KIF26B: variants seen among roughly 807,000 people sequenced by gnomAD.
KIF26B encodes the protein kinesin family member 26B.
Under a neutral mutation model 151.2 loss-of-function variants are expected in KIF26B, and 63 were observed. The ratio of observed to expected loss-of-function variants is 0.42; its 90% CI spans 0.34 to 0.51. The LOEUF (loss-of-function observed/expected upper bound fraction) is 0.51. Ranked by LOEUF, KIF26B falls within the 20% of genes least tolerant of loss-of-function variation. The pLI, the probability that KIF26B is intolerant of heterozygous loss-of-function variation, is 0.07. For missense variants in KIF26B, 2,813 were observed against 2,913.6 expected (o/e 0.97, Z 0.79); for synonymous variants, 1,357 against 1,262.1 (o/e 1.08, Z -1.59).
chr1:245,624,671 TTC>T (rs752506698), intron 9 of KIF26B, among the ~76,000 whole-genome samples: 1 of 152,224 alleles, frequency 6.6e-6, no homozygotes, highest in Non-Finnish European at 1.5e-5. Flanking sequence ...TGCAAATATT[TTC>T]TCTCAGTCTG....
rs989479892 is a variant in KIF26B at position 245,170,064 on chromosome 1, A to G, written c.465+13381A>G. Among the ~76,000 whole-genome samples, 1 of 152,094 alleles carries G rather than the reference A, an allele frequency of 6.6e-6. No individual in the cohort carries two copies. The highest frequency in any genetic ancestry group is 1.5e-5 in the Non-Finnish European group (1 of 68,006). On this transcript the variant is annotated intron_variant, in intron 2 of 14. Coordinates refer to ENST00000407071, the MANE Select transcript of KIF26B (RefSeq NM_018012.4). The surrounding 1 kb of genome is among the most constrained non-coding windows in gnomAD (Gnocchi z 4.4). ...TTTTGAAAAAAAAAATCACCCGTCC[A>G]CTGCTGCATAACCAAAACGTCACTG...
intron 2 of KIF26B, among the ~76,000 whole-genome samples, chr1:245,365,747 G>A (rs1308157532): frequency 6.6e-6 from 1 of 152,112 alleles, no homozygotes; most frequent in Non-Finnish European, 1.5e-5. Context: ...GTTCCCCCAC[G>A]AACGGAGTCA....
chr1:245,251,401 T>G (rs907261001), intron 2 of KIF26B, among the ~76,000 whole-genome samples: 2 of 152,194 alleles, frequency 1.3e-5, no homozygotes, highest in African/African-American at 4.8e-5. Flanking sequence ...AAATATCTTC[T>G]CCTAATCTGT....
At chr1:245,688,863 C>A in intron 12 of KIF26B, 56 bp downstream of exon 12, 1 of 1,504,092 alleles carries the variant, frequency 6.6e-7, no homozygotes, top group Middle Eastern at 2.2e-4. Context: ...GGCGAGCTGC[C>A]CAAACCCCAC....
intron 5 of KIF26B, among the ~76,000 whole-genome samples, chr1:245,575,443 C>A (rs1572136276): frequency 6.6e-6 from 1 of 151,814 alleles, no homozygotes; most frequent in South Asian, 2.1e-4. Flanking sequence ...CCACTATACT[C>A]CAGCCTGGGC....
intron 5 of KIF26B, among the ~76,000 whole-genome samples, chr1:245,561,471 T>A (rs1322903588): frequency 6.6e-6 from 1 of 152,236 alleles, no homozygotes; most frequent in African/African-American, 2.4e-5. Context: ...GTGAACCACT[T>A]CTTACCTGTA....
chr1:245,337,518 A>ATGTG (rs74163041), intron 2 of KIF26B, among the ~76,000 whole-genome samples: 279 of 145,546 alleles, frequency 1.9e-3, no homozygotes, highest in Middle Eastern at 6.9e-3. Context: ...TACTTAGGAA[A>ATGTG]TGTGTGTGTG....
chr1:245,527,337 G>A (rs1661257770), intron 4 of KIF26B, among the ~76,000 whole-genome samples: 1 of 152,026 alleles, frequency 6.6e-6, no homozygotes, highest in Admixed American at 6.6e-5. Context: ...CATGAGGAAT[G>A]GACTTTAATT....
rs80022756 is a variant in KIF26B, at chr1:245,409,052, G to A, written c.1000-10527G>A. Among the ~76,000 whole-genome samples the A allele has an allele frequency of 5.3e-5, 8 of 152,196 alleles. No individual in the cohort carries two copies. In the East Asian group the frequency reaches 1.4e-3, roughly 26 times the overall value. On this transcript the variant is annotated intron_variant, in intron 3 of 14. Coordinates refer to ENST00000407071, the MANE Select transcript of KIF26B (RefSeq NM_018012.4). ...GAAGCTGATCTCATCATGTCAACTG[G>A]ACTCCTTGTTTCATTATACACCCTG...
chr1:245,346,104 T>G (rs771788812), intron 2 of KIF26B, among the ~76,000 whole-genome samples: 1 of 150,972 alleles, frequency 6.6e-6, no homozygotes, highest in African/African-American at 2.5e-5. Flanking sequence ...GGCTAATTTT[T>G]TTTTGTGTGT....
At chr1:245,303,430 C>A (rs972128117) in intron 2 of KIF26B, among the ~76,000 whole-genome samples, 2 of 150,694 alleles carry the variant, frequency 1.3e-5, no homozygotes, top group Non-Finnish European at 2.9e-5. Context: ...GATCTCCTGA[C>A]CTCGTGATCC....
At position 245,315,006 on chromosome 1, in the gene KIF26B, C is replaced by T. The variant is rs376854508; in HGVS notation, c.466-51828C>T. Among the ~76,000 whole-genome samples the T allele has an allele frequency of 3.5e-4, 53 of 151,990 alleles. 1 individual carries two copies. The highest frequency in any genetic ancestry group is 1.2e-3 in the African/African-American group (48 of 41,476). On this transcript the variant is annotated intron_variant, in intron 2 of 14. Transcript: ENST00000407071. Reference sequence around the variant, plus strand: ...GACCGGCCTGACCAACATGGAGAAACCCCGTCTCTACTAAAAATACAAAAT... The same window carrying T: ...GACCGGCCTGACCAACATGGAGAAATCCCGTCTCTACTAAAAATACAAAAT...
At chr1:245,265,549 A>C (rs1670729725) in intron 2 of KIF26B, among the ~76,000 whole-genome samples, 2 of 152,138 alleles carry the variant, frequency 1.3e-5, no homozygotes, top group Non-Finnish European at 2.9e-5. Context: ...TTAGGGAAGA[A>C]TATAGGAAGA....
In KIF26B at chr1:245,701,536, T is replaced by C. The variant is rs528435016; in HGVS notation, c.6179-922T>C. Reference sequence around the variant, plus strand: ...CACTGTCCAGCTCTCAGGGACCTCATCTGCAGAAAGAAGACACTCTGCAGA... The same window carrying C: ...CACTGTCCAGCTCTCAGGGACCTCACCTGCAGAAAGAAGACACTCTGCAGA... On this transcript the variant is annotated intron_variant, in intron 14 of 14. Transcript: ENST00000407071. Among the ~76,000 whole-genome samples the C allele has an allele frequency of 1.8e-3, 274 of 152,306 alleles. 2 individuals are homozygous for C. Among genetic ancestry groups the C allele is most frequent in the African/African-American group, 5.8e-3 (241 of 41,562 alleles).
At chr1:245,312,399 AC>A (rs1671680689) in intron 2 of KIF26B, among the ~76,000 whole-genome samples, 1 of 152,232 alleles carries the variant, frequency 6.6e-6, no homozygotes, top group African/African-American at 2.4e-5. Context: ...GATTTGAGCA[AC>A]AAAATGAGAT....
At chr1:245,522,305 T>C (rs575045817) in intron 4 of KIF26B, among the ~76,000 whole-genome samples, 2 of 152,288 alleles carry the variant, frequency 1.3e-5, no homozygotes, top group South Asian at 2.1e-4. Flanking sequence ...ATACTGCCTA[T>C]GCCCAATTTA....
At chr1:245,681,568 C>T (rs557472620) in intron 10 of KIF26B, among the ~76,000 whole-genome samples, 15 of 152,220 alleles carry the variant, frequency 9.9e-5, no homozygotes, top group Admixed American at 2.6e-4. Context: ...CAGGGGGATG[C>T]GCCTTCGGCC....
chr1:245,673,327 AT>A (rs2044317231), intron 10 of KIF26B, among the ~76,000 whole-genome samples: 1 of 133,532 alleles, frequency 7.5e-6, no homozygotes, highest in African/African-American at 3.0e-5. Context: ...GCGCGCTGCC[AT>A]CTTAGGCCCA....
intron 9 of KIF26B, among the ~76,000 whole-genome samples, chr1:245,617,903 C>A (rs1771519): frequency 7.9e-5 from 12 of 151,932 alleles, no homozygotes; most frequent in African/African-American, 2.7e-4. Context: ...TCAGTTTCCC[C>A]CCTGCTCCTT....
Sources: allele counts gnomAD v4.1 joint callset (sites outside exome capture counted in the v4.1 genomes callset), GRCh38; gene constraint gnomAD v4.1.1; non-coding constraint Gnocchi (gnomAD v3.1); transcripts MANE v1.5; gene names NCBI Gene and HGNC (gene_info 2026-07-23, HGNC 2026-07-21).